The following NCKAP5 variants were observed in gnomAD, a reference collection of about 807,000 sequenced individuals.
The protein encoded by NCKAP5 is nck-associated protein 5.
In NCKAP5, 92 loss-of-function variants were observed where a neutral mutation model predicts 167.0. That is an observed-to-expected ratio of 0.55 (90% CI 0.47 to 0.66). NCKAP5 has a LOEUF of 0.66. Among genes scored for constraint, NCKAP5 ranks in the 30% least tolerant of loss-of-function variants. NCKAP5 has a pLI of 0.00. For missense variants in NCKAP5, 2,378 were observed against 2,315.0 expected, an observed-to-expected ratio of 1.03 and a Z score of -0.56; for synonymous variants, 891 against 877.4, an observed-to-expected ratio of 1.02 and a Z score of -0.27.
chr2:132,691,341 G>T (rs767414547), intron 19 of NCKAP5, among the ~76,000 whole-genome samples: 1 of 151,860 alleles, frequency 6.6e-6, no homozygotes, highest in Non-Finnish European at 1.5e-5. Context: ...GTTTCCCTTT[G>T]CTGACAATGA....
the NCKAP5 span, among the ~76,000 whole-genome samples, chr2:133,575,897 G>C: frequency 2.6e-5 from 4 of 152,220 alleles, no homozygotes; most frequent in Non-Finnish European, 5.9e-5. Context: ...GGACTTGCAT[G>C]TTCACATTTG....
intron 6 of NCKAP5, among the ~76,000 whole-genome samples, chr2:133,121,228 A>C (rs923630130): frequency 1.3e-5 from 2 of 152,216 alleles, no homozygotes; most frequent in Non-Finnish European, 2.9e-5. Flanking sequence ...CGCATAAAAT[A>C]TGAAGGAAAA....
Position 133,129,236 on chromosome 2 carries a change from C to T in NCKAP5, c.341+742G>A, listed in dbSNP as rs189635865. ...CATTAGGTATATCTCCCAATGTTAT[C>T]CCTCCCCGCTCCCCCCACCCCACAA... On this transcript the variant is annotated intron_variant, in intron 6 of 19. Transcript: ENST00000409261. 3.9e-3 allele frequency among the ~76,000 whole-genome samples: 587 copies of T among 151,900 alleles called. 1 individual carries two copies. The highest frequency in any genetic ancestry group is 0.01 in the Middle Eastern group (3 of 294).
intron 4 of NCKAP5, among the ~76,000 whole-genome samples, chr2:133,239,309 C>T (rs1253989037): frequency 6.6e-6 from 1 of 152,144 alleles, no homozygotes; most frequent in African/African-American, 2.4e-5. Flanking sequence ...CTGCAAAATA[C>T]AGCAAAACTC....
chr2:133,588,884 G>A, the NCKAP5 span, among the ~76,000 whole-genome samples: 1 of 152,172 alleles, frequency 6.6e-6, no homozygotes, highest in Admixed American at 6.5e-5. Flanking sequence ...AAGGGCCCGA[G>A]ATGATCATCT....
Position 133,137,746 on chromosome 2 carries a change from A to C in NCKAP5, c.208-7635T>G, listed in dbSNP as rs75674836. Among the ~76,000 whole-genome samples the C allele has an allele frequency of 3.0e-3, 457 of 152,332 alleles. 2 individuals are homozygous for C. Among genetic ancestry groups the C allele is most frequent in the African/African-American group, 0.01 (427 of 41,570 alleles). ...GTGGGTTGTGAAGAAAAGCAAGATA[A>C]AATGAAGGTGTTAGGAATACCGCTC... On this transcript the variant is annotated intron_variant, in intron 5 of 19. Transcript: ENST00000409261.
intron 4 of NCKAP5, among the ~76,000 whole-genome samples, chr2:133,215,601 T>G (rs1002420401): frequency 6.6e-5 from 10 of 152,160 alleles, no homozygotes; most frequent in African/African-American, 2.4e-4. Flanking sequence ...ATATGTCAAC[T>G]TTAGCACAGT....
rs60039926 is a variant in NCKAP5, at chr2:132,920,787, A to G, written c.580-41871T>C. Among the ~76,000 whole-genome samples the G allele has an allele frequency of 1.9e-3, 143 of 75,956 alleles. 5 individuals are homozygous for G. The highest frequency in any genetic ancestry group is 9.5e-3 in the African/African-American group (127 of 13,340). The allele number at this position is 75,956 out of a possible 152,430, so 49.8% of individuals were successfully genotyped here. A position where few individuals can be genotyped will look rare whatever the true frequency, so the allele number is the denominator to read the frequency against. The stretch of plus-strand genomic sequence containing the variant: ...TATATGTATGTATATATATATATAT[A>G]TATATATATATATATATATATATAT... On this transcript the variant is annotated intron_variant, in intron 8 of 19. Coordinates refer to ENST00000409261, the MANE Select transcript of NCKAP5 (RefSeq NM_207363.3).
chr2:133,175,660 T>G (rs970290314), intron 5 of NCKAP5, among the ~76,000 whole-genome samples: 8 of 152,232 alleles, frequency 5.3e-5, no homozygotes, highest in Non-Finnish European at 1.2e-4. Context: ...GAGTCACTAG[T>G]AAGAAGGAAT....
chr2:133,043,895 A>G (rs2079299621), intron 6 of NCKAP5, among the ~76,000 whole-genome samples: 1 of 151,252 alleles, frequency 6.6e-6, no homozygotes, highest in African/African-American at 2.4e-5. Context: ...TGACTAAAAG[A>G]TAGACTGATT....
At position 132,672,951 on chromosome 2, in the gene NCKAP5, G is replaced by A. The variant is rs1683927565; in HGVS notation, c.*338C>T. 1.6e-6 allele frequency: 1 copy of A among 618,492 alleles called. No individual in the cohort carries two copies. Among genetic ancestry groups the A allele is most frequent in the South Asian group, 7.3e-5 (1 of 13,776 alleles). 38.3% of individuals were successfully genotyped at this position (618,492 alleles called of 1,614,324 possible). A position where few individuals can be genotyped will look rare whatever the true frequency, so the allele number is the denominator to read the frequency against. ...TAGTTTATTGTTATCTCTATCAAGC[G>A]GTGCACCCCCCACCCCCCACCCATC... On this transcript the variant is annotated 3_prime_UTR_variant, in exon 20 of 20. Transcript: ENST00000409261.
the NCKAP5 span, among the ~76,000 whole-genome samples, chr2:133,621,489 G>A: frequency 6.6e-6 from 1 of 152,008 alleles, no homozygotes; most frequent in East Asian, 1.9e-4. Flanking sequence ...AGGCTACTAT[G>A]AGCACCTTTA....
intron 8 of NCKAP5, among the ~76,000 whole-genome samples, chr2:132,925,593 C>CT (rs1695813893): frequency 1.3e-5 from 2 of 149,738 alleles, no homozygotes; most frequent in South Asian, 4.3e-4. Flanking sequence ...AAATCTAATG[C>CT]TGCCACTTAT....
the NCKAP5 span, among the ~76,000 whole-genome samples, chr2:133,631,208 A>G: frequency 0.039 from 5,953 of 152,324 alleles, 398 homozygotes; most frequent in African/African-American, 0.14. Flanking sequence ...TATATGGGTT[A>G]TATCACAAAT....
the NCKAP5 span, among the ~76,000 whole-genome samples, chr2:133,672,346 G>A: frequency 6.6e-6 from 1 of 152,316 alleles, no homozygotes; most frequent in African/African-American, 2.4e-5. Flanking sequence ...TGTGGTCCAG[G>A]AACTGGTGCC....
chr2:132,735,551 A>G (rs1163959060), intron 16 of NCKAP5, among the ~76,000 whole-genome samples: 1 of 152,180 alleles, frequency 6.6e-6, no homozygotes, highest in Non-Finnish European at 1.5e-5. Flanking sequence ...CTCTTTTCTT[A>G]TAAATTACCT....
chr2:133,460,116 T>C (rs1435560), intron 3 of NCKAP5, among the ~76,000 whole-genome samples: 19,242 of 152,166 alleles, frequency 0.13, 1,334 homozygotes, highest in East Asian at 0.25. Flanking sequence ...ATTGGATGCA[T>C]AAATAAGAGC....
At chr2:133,251,130 T>C (rs927250447) in intron 4 of NCKAP5, among the ~76,000 whole-genome samples, 5 of 151,692 alleles carry the variant, frequency 3.3e-5, no homozygotes, top group African/African-American at 1.2e-4. Flanking sequence ...AAAAATACAG[T>C]GTAACAACTG....
chr2:132,990,095 C>T (rs532694477), intron 7 of NCKAP5, among the ~76,000 whole-genome samples: 143 of 152,108 alleles, frequency 9.4e-4, no homozygotes, highest in Non-Finnish European at 1.9e-3. Context: ...AAAGGCAGGC[C>T]GTGGAACTCA....
Sources: gnomAD v4.1 joint callset for allele counts (sites outside exome capture counted in the v4.1 genomes callset) on GRCh38, gnomAD v4.1.1 for gene constraint, MANE v1.5 for transcripts, NCBI Gene and HGNC (gene_info 2026-07-23, HGNC 2026-07-21) for gene names.